DLEC1: variants seen among roughly 807,000 people sequenced by gnomAD.
DLEC1 encodes the protein deleted in lung and esophageal cancer protein 1.
DLEC1 carries 146 observed loss-of-function variants against 198.1 expected under a neutral mutation model. That is an observed-to-expected ratio of 0.74 (90% CI 0.64 to 0.85). The LOEUF (loss-of-function observed/expected upper bound fraction) is 0.85. Ranked by LOEUF, DLEC1 falls within the 40% of genes least tolerant of loss-of-function variation. The pLI, the probability that DLEC1 is intolerant of heterozygous loss-of-function variation, is 0.00. For synonymous variants in DLEC1, 897 were observed against 866.8 expected (o/e 1.03, Z -0.61); for missense variants, 2,233 against 2,220.0 (o/e 1.01, Z -0.12).
intron 1 of DLEC1, among the ~76,000 whole-genome samples, 175 bp from the exon 2 acceptor site, chr3:38,045,368 T>C (rs1340822958): frequency 6.6e-6 from 1 of 152,098 alleles, no homozygotes; most frequent in Admixed American, 6.6e-5. Context: ...TTTAAACCAT[T>C]CCCCTCTATG....
intron 6 of DLEC1, among the ~76,000 whole-genome samples, chr3:38,079,992 G>C (rs1387866318): frequency 6.6e-6 from 1 of 152,184 alleles, no homozygotes; most frequent in Non-Finnish European, 1.5e-5. Context: ...TGTATATTGA[G>C]AATAAGATAG....
At position 38,065,924 on chromosome 3, in the gene DLEC1, G is replaced by A. The variant is rs115765052; in HGVS notation, c.1173+2005G>A. 6.0e-3 allele frequency among the ~76,000 whole-genome samples: 920 copies of A among 152,138 alleles called. 7 individuals carry two copies. Among genetic ancestry groups the A allele is most frequent in the African/African-American group, 0.021 (857 of 41,496 alleles). On this transcript the variant is annotated intron_variant, in intron 6 of 36. Coordinates refer to ENST00000308059, the MANE Select transcript of DLEC1 (RefSeq NM_007335.4). ...TATTTGTTGAAGAAACTGCAATTTC[G>A]TACACCCTGGATTTGGCTAATTGCG...
At chr3:38,102,917 C>T (rs961934832) in intron 19 of DLEC1, among the ~76,000 whole-genome samples, 5 of 152,228 alleles carry the variant, frequency 3.3e-5, no homozygotes, top group Middle Eastern at 3.2e-3. Context: ...CTCTCTCCAG[C>T]GTGATACCCA....
chr3:38,109,802 G>GC lies in DLEC1; in HGVS notation c.3260+240_3260+241insC, dbSNP rs1699766438. ...GGAGGCGTGGTGCCCTGGCAGGCAG[G>GC]AGATGGCAGGGGACAGGGCTGTAGG... On this transcript the variant is annotated intron_variant, in intron 22 of 36. Coordinates refer to ENST00000308059, the MANE Select transcript of DLEC1 (RefSeq NM_007335.4). The GC allele has an allele frequency of 5.3e-6, 4 of 753,492 alleles. No individual in the cohort carries two copies. In the South Asian group the frequency reaches 7.7e-5, roughly 14 times the overall value. 46.7% of individuals were successfully genotyped at this position (753,492 alleles called of 1,614,324 possible).
intron 1 of DLEC1, among the ~76,000 whole-genome samples, chr3:38,041,613 C>T (rs1260771121): frequency 3.3e-5 from 5 of 151,872 alleles, no homozygotes; most frequent in Non-Finnish European, 7.4e-5. Context: ...CTTTGGGAGG[C>T]CGAGGCGGGC....
At chr3:38,068,427 T>A (rs1367029429) in intron 6 of DLEC1, among the ~76,000 whole-genome samples, 1 of 152,052 alleles carries the variant, frequency 6.6e-6, no homozygotes, top group Non-Finnish European at 1.5e-5. Context: ...GACGGGTTTT[T>A]GCTATGTTGC....
intron 8 of DLEC1, 78 bp from the exon 9 acceptor site, chr3:38,086,163 C>T (rs1024778804): frequency 2.6e-6 from 4 of 1,518,306 alleles, no homozygotes; most frequent in Non-Finnish European, 1.8e-6. Flanking sequence ...TCTGGCTGTA[C>T]CTCAGGAGAA....
intron 6 of DLEC1, among the ~76,000 whole-genome samples, chr3:38,073,863 T>C (rs1697459369): frequency 6.6e-6 from 1 of 152,182 alleles, no homozygotes; most frequent in Non-Finnish European, 1.5e-5. Flanking sequence ...GAGAGTTACC[T>C]GAAGCTCAGC....
At chr3:38,097,126 A>T in intron 15 of DLEC1, 56 bp from the exon 16 acceptor site, 2 of 1,431,682 alleles carry the variant, frequency 1.4e-6, no homozygotes, top group Non-Finnish European at 1.9e-6. Flanking sequence ...TTCAGCAGGT[A>T]CAGAATTGAC....
chr3:38,051,351 C>A (rs1701109540), intron 2 of DLEC1, among the ~76,000 whole-genome samples: 1 of 152,218 alleles, frequency 6.6e-6, no homozygotes, highest in South Asian at 2.1e-4. Flanking sequence ...CACCGCGGTC[C>A]CCACCCAACC....
intron 23 of DLEC1, 144 bp from the exon 24 acceptor site, chr3:38,111,533 G>C: frequency 1.4e-6 from 1 of 708,994 alleles, no homozygotes; most frequent in Non-Finnish European, 2.2e-6. Flanking sequence ...GGAAAGAACT[G>C]ACCAGCTCTC....
intron 19 of DLEC1, among the ~76,000 whole-genome samples, chr3:38,102,943 G>C (rs1699379416): frequency 6.6e-6 from 1 of 152,198 alleles, no homozygotes; most frequent in South Asian, 2.1e-4. Flanking sequence ...TTCAGTGGGG[G>C]CAAATACTGT....
chr3:38,097,089 C>G (rs1038124882), intron 15 of DLEC1, 93 bp from the exon 16 acceptor site: 14 of 1,257,894 alleles, frequency 1.1e-5, no homozygotes, highest in Non-Finnish European at 1.6e-5. Flanking sequence ...CATATGGACT[C>G]TTTACGAGCC....
intron 2 of DLEC1, among the ~76,000 whole-genome samples, chr3:38,047,068 C>T (rs1166962096): frequency 6.6e-6 from 1 of 152,192 alleles, no homozygotes; most frequent in Non-Finnish European, 1.5e-5. Flanking sequence ...TAACCTCCAT[C>T]CCCTGAGTAG....
chr3:38,065,275 C>G (rs1019458877), intron 6 of DLEC1, among the ~76,000 whole-genome samples: 2 of 152,122 alleles, frequency 1.3e-5, no homozygotes, highest in Non-Finnish European at 2.9e-5. Context: ...TGTAGTGAGT[C>G]GAGATGGCGG....
intron 6 of DLEC1, among the ~76,000 whole-genome samples, chr3:38,067,390 A>G (rs1697082258): frequency 6.6e-6 from 1 of 152,248 alleles, no homozygotes; most frequent in Admixed American, 6.5e-5. Flanking sequence ...GGAAATCTCC[A>G]GGTTAATAAC....
At position 38,071,552 on chromosome 3, in the gene DLEC1, G is replaced by T. The variant is rs570586465; in HGVS notation, c.1173+7633G>T. ...GAGATTGATAGGTGGAAATTTCAGC[G>T]GGGAAGTAGGTGGGAGTGACCGATG... is the stretch of plus-strand genomic sequence containing the variant. On this transcript the variant is annotated intron_variant, in intron 6 of 36. Coordinates refer to ENST00000308059, the MANE Select transcript of DLEC1 (RefSeq NM_007335.4). 2.6e-5 allele frequency among the ~76,000 whole-genome samples: 4 copies of T among 152,212 alleles called. No homozygotes were observed. The East Asian group carries it at 7.7e-4, about 29-fold the overall frequency.
rs1257654037 is a variant in DLEC1, at chr3:38,042,589, A to C, written c.411+2953A>C. Among the ~76,000 whole-genome samples the C allele has an allele frequency of 5.2e-5, 6 of 115,848 alleles. No individual in the cohort carries two copies. In the East Asian group the frequency reaches 1.6e-3, roughly 31 times the overall value. The allele number at this position is 115,848 out of a possible 152,430, so 76.0% of individuals were successfully genotyped here. On this transcript the variant is annotated intron_variant, in intron 1 of 36. Coordinates refer to ENST00000308059, the MANE Select transcript of DLEC1 (RefSeq NM_007335.4). ...TTTTTTTTTTGAGACAGAGTCTTGC[A>C]CTGTTGCCTGGGCTAGAGTGCAGTG... is the stretch of plus-strand genomic sequence containing the variant.
At chr3:38,115,934 CAG>C (rs1432376274) in intron 27 of DLEC1, among the ~76,000 whole-genome samples, 1 of 152,064 alleles carries the variant, frequency 6.6e-6, no homozygotes, top group Non-Finnish European at 1.5e-5. Context: ...CAGTGGTACT[CAG>C]AGGGACGGCA....
Sources: gnomAD v4.1 joint callset for allele counts (sites outside exome capture counted in the v4.1 genomes callset) on GRCh38, gnomAD v4.1.1 for gene constraint, MANE v1.5 for transcripts, NCBI Gene and HGNC (gene_info 2026-07-23, HGNC 2026-07-21) for gene names.